URB1: variants seen among roughly 807,000 people sequenced by gnomAD.
URB1 encodes URB1 ribosome biogenesis factor, also known as nucleolar pre-ribosomal-associated protein 1.
Under a neutral mutation model 242.3 loss-of-function variants are expected in URB1, and 197 were observed. The ratio of observed to expected loss-of-function variants is 0.81; its 90% confidence interval spans 0.72 to 0.91. URB1 has a LOEUF of 0.91. Ranked by LOEUF, URB1 falls within the 40% of genes least tolerant of loss-of-function variation. URB1 has a pLI of 0.00. For synonymous variants in URB1, 1,153 were observed against 1,201.8 expected, an observed-to-expected ratio of 0.96 and a Z score of 0.84; for missense variants, 2,721 against 2,860.5, an observed-to-expected ratio of 0.95 and a Z score of 1.11.
Position 32,347,607 on chromosome 21 carries a change from C to T in URB1, c.3217G>A (p.Ala1073Thr). The T allele has an allele frequency of 6.4e-7, 1 of 1,551,630 alleles. No individual in the cohort carries two copies. Among genetic ancestry groups the T allele is most frequent in the Non-Finnish European group, 8.7e-7 (1 of 1,146,964 alleles). ...TGGGTGATGGCCTCTGAGTACCTGG[C>T]CAGAAGGCCCAGCTGCCCAATGTTC... ...LQNIGQLGLL[A>T]RYSEAITQSV... Residue 1073 changes from alanine to threonine, a missense_variant, in exon 22 of 39, where the codon GCC (alanine) becomes ACC (threonine). Ala to Thr is a moderately conservative substitution (Grantham distance 58, BLOSUM62 0). Coordinates refer to ENST00000382751, the MANE Select transcript of URB1 (RefSeq NM_014825.3).
Position 32,330,974 on chromosome 21 carries a change from C to CA in URB1, c.4960+2342dup, listed in dbSNP as rs752426242. On this transcript the variant is annotated intron_variant, in intron 30 of 38. Coordinates refer to ENST00000382751, the MANE Select transcript of URB1 (RefSeq NM_014825.3). ...CTCTTTGATCTTTTTAAAAGGGATACAAAGGGCACTGATAGAGGATTGGCA... is the reference window on the plus strand; with the variant it reads ...CTCTTTGATCTTTTTAAAAGGGATACAAAAGGGCACTGATAGAGGATTGGCA... 3.0e-4 allele frequency among the ~76,000 whole-genome samples: 45 copies of CA among 152,270 alleles called. No individual in the cohort carries two copies. The East Asian group carries it at 6.9e-3, about 23-fold the overall frequency.
At chr21:32,365,991 C>T (rs2033342300) in intron 10 of URB1, among the ~76,000 whole-genome samples, 1 of 152,226 alleles carries the variant, frequency 6.6e-6, no homozygotes, top group African/African-American at 2.4e-5. Context: ...CAACCCACAG[C>T]CATTCACCTA....
rs749752334 is a variant in URB1 at position 32,361,970 on chromosome 21, G to C, written c.1561C>G (p.Gln521Glu). 1.3e-6 allele frequency: 2 copies of C among 1,551,562 alleles called. No homozygotes were observed. Among genetic ancestry groups the C allele is most frequent in the South Asian group, 2.4e-5 (2 of 84,050 alleles). Reference sequence around the variant, plus strand: ...TTCTTGTCATCCTGTTTGGTCTCTTGCTTTTTAAGTGACTGCCAGACCCAC... The same window carrying C: ...TTCTTGTCATCCTGTTTGGTCTCTTCCTTTTTAAGTGACTGCCAGACCCAC... ...VVWVWQSLKK[Q>E]ETKQDDKKGQ... is the part of the protein sequence containing the mutation. Residue 521 changes from glutamine to glutamate, a missense_variant, in exon 12 of 39, where the codon CAA becomes GAA. Physicochemically the swap from Gln to Glu is conservative, Grantham distance 29 (BLOSUM62 2). Transcript: ENST00000382751.
intron 8 of URB1, among the ~76,000 whole-genome samples, chr21:32,369,043 C>A (rs1334542249): frequency 6.6e-6 from 1 of 151,410 alleles, no homozygotes; most frequent in Non-Finnish European, 1.5e-5. Context: ...CAGCCACACA[C>A]AAAAAAAGCA....
At position 32,334,320 on chromosome 21, in the gene URB1, C is replaced by A. The variant is rs1268113029; in HGVS notation, c.4700G>T (p.Gly1567Val). 3 of 1,549,134 alleles carry A rather than the reference C, an allele frequency of 1.9e-6. No homozygotes were observed. The highest frequency in any genetic ancestry group is 2.6e-6 in the Non-Finnish European group (3 of 1,145,390). Residue 1567 changes from glycine to valine, a missense_variant, in exon 29 of 39, where the codon GGC becomes GTC. Coordinates refer to ENST00000382751, the MANE Select transcript of URB1 (RefSeq NM_014825.3). Reference sequence around the variant, plus strand: ...CTTGTGATGCTCCACGGCCGCTGGGCCCCACAGCAGCACCCTAGAGCCAGA... The same window carrying A: ...CTTGTGATGCTCCACGGCCGCTGGGACCCACAGCAGCACCCTAGAGCCAGA... ...SLINFRVLLWGPAAVEHHKTC... is the reference protein window; with the variant it reads ...SLINFRVLLWVPAAVEHHKTC...
intron 9 of URB1, among the ~76,000 whole-genome samples, chr21:32,367,704 C>A (rs560889955): frequency 1.3e-4 from 20 of 152,348 alleles, no homozygotes; most frequent in African/African-American, 3.4e-4. Flanking sequence ...TCAAGTTGTT[C>A]TAATTGAAGC....
intron 30 of URB1, among the ~76,000 whole-genome samples, chr21:32,325,784 T>C (rs1437554059): frequency 6.6e-6 from 1 of 151,926 alleles, no homozygotes; most frequent in Non-Finnish European, 1.5e-5. Context: ...TGCTCAGCCC[T>C]CCACCGCGGG....
intron 4 of URB1, among the ~76,000 whole-genome samples, chr21:32,379,158 G>T (rs1028759158): frequency 6.6e-6 from 1 of 152,244 alleles, no homozygotes; most frequent in African/African-American, 2.4e-5. Context: ...CGTTTGGGGA[G>T]GGCCCCAACA....
chr21:32,366,698 A>C lies in URB1; in HGVS notation c.1255T>G (p.Leu419Val). 6.4e-7 allele frequency: 1 copy of C among 1,551,478 alleles called. No homozygotes were observed. The highest frequency in any genetic ancestry group is 8.7e-7 in the Non-Finnish European group (1 of 1,146,842). Residue 419 changes from leucine to valine, a missense_variant, in exon 10 of 39, where the codon TTG becomes GTG. Physicochemically the swap from Leu to Val is conservative, Grantham distance 32 (BLOSUM62 1). Transcript: ENST00000382751. ...ATCACCATTGCCAGGAGCCGAGGCA[A>C]GGGTATAAACTCTCTGGTCTGAAAT... ...RAFQTREFIP[L>V]PRLLAMVMVT...
intron 1 of URB1, among the ~76,000 whole-genome samples, chr21:32,390,981 T>C (rs2033631160): frequency 6.6e-6 from 1 of 152,142 alleles, no homozygotes; most frequent in South Asian, 2.1e-4. Context: ...TGTCCAACAA[T>C]GATAGACTGG....
At chr21:32,331,603 G>A (rs1336543467) in intron 30 of URB1, among the ~76,000 whole-genome samples, 1 of 152,182 alleles carries the variant, frequency 6.6e-6, no homozygotes, top group African/African-American at 2.4e-5. Context: ...CAGCAACCTG[G>A]AAACATCGAC....
chr21:32,375,344 T>C, intron 6 of URB1, 54 bp downstream of exon 6: 1 of 1,158,128 alleles, frequency 8.6e-7, no homozygotes, highest in South Asian at 1.5e-5. Context: ...CCGGAGAATA[T>C]CTCCATTCCC....
chr21:32,388,992 G>A (rs144301205), intron 1 of URB1, among the ~76,000 whole-genome samples: 26 of 152,286 alleles, frequency 1.7e-4, no homozygotes, highest in African/African-American at 5.5e-4. Flanking sequence ...AGACCAATGT[G>A]AGTATTTATT....
intron 18 of URB1, 136 bp downstream of exon 18, chr21:32,353,797 A>G (rs2123588599): frequency 2.8e-6 from 3 of 1,060,122 alleles, no homozygotes; most frequent in Non-Finnish European, 2.6e-6. Flanking sequence ...CTGGGTAGCT[A>G]TCACTCTGGG....
rs768050172 is a variant in URB1, at chr21:32,361,880, CT to C, written c.1639+11del. The C allele has an allele frequency of 6.5e-7, 1 of 1,550,386 alleles. No individual in the cohort carries two copies. The highest frequency in any genetic ancestry group is 1.4e-5 in the African/African-American group (1 of 73,134). On this transcript the variant is annotated intron_variant, in intron 12 of 38. Coordinates refer to ENST00000382751, the MANE Select transcript of URB1 (RefSeq NM_014825.3). ...AAAAGGCAGAGGGTCCCCCTCACCC[CT>C]GAGACCTTACCGCACTGGTGAGCAT...
chr21:32,350,917 C>A lies in URB1; in HGVS notation c.2619G>T (p.Leu873=), dbSNP rs2033150024. The part of the protein sequence containing the change: ...IPEQAREAWL[L]QAQGSPSPPA... ...GGGGCGAGGGGCTGCCCTGTGCCTG[C>A]AGCAGCTGAGGGAGACAGCAAAAGG... Residue 873 remains leucine, a synonymous_variant, in exon 20 of 39, where the codon CTG becomes CTT. Coordinates refer to ENST00000382751, the MANE Select transcript of URB1 (RefSeq NM_014825.3). The A allele has an allele frequency of 6.5e-7, 1 of 1,545,234 alleles. No individual in the cohort carries two copies. The highest frequency in any genetic ancestry group is 8.7e-7 in the Non-Finnish European group (1 of 1,146,356).
At chr21:32,344,120 A>C (rs1341103853) in intron 24 of URB1, among the ~76,000 whole-genome samples, 1 of 152,242 alleles carries the variant, frequency 6.6e-6, no homozygotes, top group Non-Finnish European at 1.5e-5. Flanking sequence ...ACATTGCAGG[A>C]AAATAAAATT....
chr21:32,313,307 A>T lies in URB1; in HGVS notation c.*1611T>A, dbSNP rs1368772276. ...GCCAATGCCCCCTGCATAAACAAGC[A>T]GAGGTGCCTATAACCAAAGGAATCC... On this transcript the variant is annotated 3_prime_UTR_variant, in exon 39 of 39. Coordinates refer to ENST00000382751, the MANE Select transcript of URB1 (RefSeq NM_014825.3). 2 of 152,306 alleles carry T rather than the reference A, an allele frequency of 1.3e-5. No homozygotes were observed. Among genetic ancestry groups the T allele is most frequent in the African/African-American group, 4.8e-5 (2 of 41,464 alleles). The allele number at this position is 152,306 out of a possible 1,614,324, so 9.4% of individuals were successfully genotyped here.
intron 30 of URB1, among the ~76,000 whole-genome samples, chr21:32,331,456 T>C (rs1481155065): frequency 1.3e-5 from 2 of 152,322 alleles, no homozygotes; most frequent in Middle Eastern, 3.4e-3. Flanking sequence ...CTGAGCATCA[T>C]ATGTAGAACA....
Sources: gnomAD v4.1 joint callset for allele counts (sites outside exome capture counted in the v4.1 genomes callset) on GRCh38, gnomAD v4.1.1 for gene constraint, MANE v1.5 for transcripts, NCBI Gene and HGNC (gene_info 2026-07-23, HGNC 2026-07-21) for gene names.